Variants in HERC2 observed in about 807,000 individuals in gnomAD.
HERC2 encodes the protein E3 ubiquitin-protein ligase HERC2.
A neutral mutation model predicts 537.7 loss-of-function variants in HERC2; 102 were observed. The ratio of observed to expected loss-of-function variants is 0.19; its 90% CI spans 0.16 to 0.22. The LOEUF (loss-of-function observed/expected upper bound fraction) is 0.22, where lower values mean the gene tolerates loss of function less well. HERC2 is among the 10% of genes least tolerant of loss of function. The probability of loss-of-function intolerance (pLI) is 1.00; values close to 1 mark genes in which losing one functional copy is unlikely to be tolerated. For synonymous variants in HERC2, 2,224 were observed against 2,466.2 expected (o/e 0.90, Z 2.91); for missense variants, 4,236 against 6,198.2 (o/e 0.68, Z 10.63).
intron 7 of HERC2, 165 bp from the exon 8 acceptor site, chr15:28,273,169 A>G (rs1044727116): frequency 2.8e-5 from 18 of 639,154 alleles, no homozygotes; most frequent in African/African-American, 7.3e-5. Flanking sequence ...TTCAGAGATT[A>G]TAAGTGTACA....
intron 83 of HERC2, among the ~76,000 whole-genome samples, chr15:28,127,308 T>A (rs1889605443): frequency 6.6e-6 from 1 of 151,832 alleles, no homozygotes; most frequent in African/African-American, 2.4e-5. Flanking sequence ...CCGAGGGGAG[T>A]CAGCCAAGAC....
chr15:28,284,261 A>T (rs574801112), intron 4 of HERC2, among the ~76,000 whole-genome samples: 1 of 152,332 alleles, frequency 6.6e-6, no homozygotes, highest in South Asian at 2.1e-4. Context: ...ATACACTCTA[A>T]AACACTACAG....
Position 28,198,734 on chromosome 15 carries a change from T to G in HERC2, c.7752A>C (p.Glu2584Asp). ...GMMVRCCRAY[E>D]EVCEGDVGKV... ...TGCCAACATCACCTTCGCACACTTC[T>G]TCATACGCTCGGCAGCATCTAACCA... The change falls in exon 49 of 93, where the codon GAA (glutamate) becomes GAC (aspartate). Residue 2584 changes from glutamate (E) to aspartate (D), a missense_variant. Glu to Asp is a conservative substitution (Grantham distance 45). Around this residue, in one of 27 missense-constraint regions of HERC2, gnomAD observed 606 missense variants for 884.5 expected, o/e 0.69. Coordinates refer to ENST00000261609, the MANE Select transcript of HERC2 (RefSeq NM_004667.6). The G allele has an allele frequency of 6.2e-7, 1 of 1,613,904 alleles. No individual in the cohort carries two copies. Among genetic ancestry groups the G allele is most frequent in the South Asian group, 1.1e-5 (1 of 91,046 alleles).
intron 57 of HERC2, among the ~76,000 whole-genome samples, chr15:28,181,269 T>A (rs754442104): frequency 6.6e-6 from 1 of 152,180 alleles, no homozygotes; most frequent in Non-Finnish European, 1.5e-5. Flanking sequence ...GAAAACTCCA[T>A]GTAAGGCAGT....
In HERC2 at chr15:28,165,702, G is replaced by A. The variant is rs562951482; in HGVS notation, c.10554+1985C>T. On this transcript the variant is annotated intron_variant, in intron 68 of 92. Coordinates refer to ENST00000261609, the MANE Select transcript of HERC2 (RefSeq NM_004667.6). ...CATGCTTGTAGTTCCAGCTACTTGG[G>A]AGGCTGAGGATGGCTTGAGACCAGG... is the stretch of plus-strand genomic sequence containing the variant. Among the ~76,000 whole-genome samples, 16 of 152,188 alleles carry A rather than the reference G, an allele frequency of 1.1e-4. No homozygotes were observed. The East Asian group carries it at 3.1e-3, about 29-fold the overall frequency.
chr15:28,284,926 A>G (rs1173799791), intron 4 of HERC2, among the ~76,000 whole-genome samples: 2 of 142,488 alleles, frequency 1.4e-5, no homozygotes, highest in African/African-American at 2.8e-5. Flanking sequence ...TCGGAAAAAA[A>G]AAAAAAAAAA....
intron 78 of HERC2, among the ~76,000 whole-genome samples, chr15:28,137,290 C>G (rs1032478754): frequency 2.0e-5 from 3 of 152,160 alleles, no homozygotes; most frequent in Admixed American, 6.5e-5. Context: ...GCCTCTGATA[C>G]GGTTCACAAT....
intron 69 of HERC2, among the ~76,000 whole-genome samples, chr15:28,160,067 T>C (rs1230968342): frequency 6.6e-6 from 1 of 152,202 alleles, no homozygotes; most frequent in Non-Finnish European, 1.5e-5. Context: ...GAACAGCAAA[T>C]GTTGCTGTCT....
At chr15:28,315,871 A>G (rs1347245451) in intron 2 of HERC2, 11 of 500,522 alleles carry the variant, frequency 2.2e-5, no homozygotes, top group Non-Finnish European at 4.3e-5. Context: ...GCCACTGTCT[A>G]GAGCTTGTCT....
intron 17 of HERC2, 130 bp downstream of exon 17, chr15:28,256,931 T>G: frequency 2.5e-6 from 2 of 788,788 alleles, no homozygotes; most frequent in Non-Finnish European, 2.1e-6. Flanking sequence ...CCATTATTAG[T>G]GCATTACAAT....
intron 16 of HERC2, among the ~76,000 whole-genome samples, 169 bp downstream of exon 16, chr15:28,260,608 A>C (rs548077791): frequency 6.6e-6 from 1 of 152,366 alleles, no homozygotes; most frequent in South Asian, 2.1e-4. Flanking sequence ...TTAATTGTCC[A>C]TGAAGAAAAC....
intron 43 of HERC2, 85 bp downstream of exon 43, chr15:28,212,360 C>T (rs537408763): frequency 4.9e-6 from 4 of 813,264 alleles, no homozygotes; most frequent in Admixed American, 2.2e-5. Flanking sequence ...TTAGTACGTC[C>T]GTGAATTCAC....
Position 28,113,498 on chromosome 15 carries a change from T to A in HERC2, c.14019+75A>T. The A allele has an allele frequency of 1.5e-6, 2 of 1,328,666 alleles. No individual in the cohort carries two copies. Among genetic ancestry groups the A allele is most frequent in the Non-Finnish European group, 2.2e-6 (2 of 924,300 alleles). 82.3% of individuals were successfully genotyped at this position (1,328,666 alleles called of 1,614,324 possible). ...AACACACAGGGCAAGGTTCTGACTC[T>A]AACTGCTGTCACTGATTTGTGGGTC... On this transcript the variant is annotated intron_variant, in intron 91 of 92. Coordinates refer to ENST00000261609, the MANE Select transcript of HERC2 (RefSeq NM_004667.6). This position sits in a 1 kb window ranked among gnomAD's most constrained non-coding sequence, Gnocchi z 7.0.
rs540267950 is a variant in HERC2, at chr15:28,141,330, C to T, written c.12015+102G>A. On this transcript the variant is annotated intron_variant, in intron 78 of 92. Coordinates refer to ENST00000261609, the MANE Select transcript of HERC2 (RefSeq NM_004667.6). ...CCACAGTATCATTAATCCTGAGAAACGTTTTAGTACAGATCCTTGCACGTG... is the reference window on the plus strand; with the variant it reads ...CCACAGTATCATTAATCCTGAGAAATGTTTTAGTACAGATCCTTGCACGTG... 5 of 900,968 alleles carry T rather than the reference C, an allele frequency of 5.5e-6. No homozygotes were observed. In the East Asian group the frequency reaches 7.4e-5, roughly 13 times the overall value. 55.8% of individuals were successfully genotyped at this position (900,968 alleles called of 1,614,324 possible).
chr15:28,187,378 C>G (rs1222216568), intron 55 of HERC2, among the ~76,000 whole-genome samples: 2 of 151,684 alleles, frequency 1.3e-5, no homozygotes, highest in Non-Finnish European at 2.9e-5. Context: ...GTTGCCCAGG[C>G]TGGAGTGCAG....
At chr15:28,189,279 A>T (rs1466648804) in intron 55 of HERC2, among the ~76,000 whole-genome samples, 3 of 152,166 alleles carry the variant, frequency 2.0e-5, no homozygotes, top group Non-Finnish European at 4.4e-5. Context: ...TAAGTATCAC[A>T]GGATGAATGG....
chr15:28,194,453 G>A (rs574621604), intron 52 of HERC2, among the ~76,000 whole-genome samples: 76 of 150,962 alleles, frequency 5.0e-4, no homozygotes, highest in Middle Eastern at 6.9e-3. Context: ...GCCTGTAGTC[G>A]CAGCTACTCG....
At chr15:28,116,266 T>G (rs888532504) in intron 88 of HERC2, among the ~76,000 whole-genome samples, 1 of 148,370 alleles carries the variant, frequency 6.7e-6, no homozygotes, top group Non-Finnish European at 1.5e-5. Context: ...CAGGCTGGAG[T>G]GCAATGGTAC....
intron 4 of HERC2, among the ~76,000 whole-genome samples, chr15:28,288,001 C>T (rs1308258752): frequency 1.3e-5 from 2 of 152,084 alleles, no homozygotes; most frequent in South Asian, 2.1e-4. Context: ...TGGGATTAGG[C>T]GTGAGCCACT....
Sources: gnomAD v4.1 joint callset for allele counts (sites outside exome capture counted in the v4.1 genomes callset) on GRCh38, gnomAD v4.1.1 for gene constraint, gnomAD v4.1.1 regional missense constraint, Gnocchi (gnomAD v3.1) non-coding constraint, MANE v1.5 for transcripts, NCBI Gene and HGNC (gene_info 2026-07-23, HGNC 2026-07-21) for gene names.